CD55: variants seen among roughly 807,000 people sequenced by gnomAD.
CD55 encodes the protein CD55 molecule (Cromer blood group), also known as complement decay-accelerating factor.
Under a neutral mutation model 45.8 loss-of-function variants are expected in CD55, and 41 were observed. The ratio of observed to expected loss-of-function variants is 0.90; its 90% CI spans 0.70 to 1.16. CD55 has a LOEUF of 1.16. CD55 is among the 50% of genes most tolerant of loss of function. CD55 has a pLI of 0.00. For missense variants in CD55, 416 were observed against 469.8 expected (o/e 0.89, Z 1.06); for synonymous variants, 181 against 181.1 (o/e 1.00, Z 0.01).
intron 9 of CD55, among the ~76,000 whole-genome samples, chr1:207,351,670 T>C (rs1043395752): frequency 1.3e-5 from 2 of 152,200 alleles, no homozygotes; most frequent in Non-Finnish European, 2.9e-5. Context: ...TTGTTTTAAA[T>C]AGAAATAAAT....
rs1184219246 is a variant in CD55 at position 207,336,826 on chromosome 1, G to C, written c.979+8G>C. On this transcript the variant is annotated splice_region_variant and intron_variant, in intron 7 of 9. Coordinates refer to ENST00000367064, the MANE Select transcript of CD55 (RefSeq NM_000574.5). ...CCACACCAAATGCTCAAGGTACAGA[G>C]ACTCCATCAGTTCTTCAAAAACACA... The C allele has an allele frequency of 1.2e-6, 2 of 1,613,380 alleles. No homozygotes were observed.
chr1:207,353,853 T>A (rs1286805089), intron 9 of CD55, among the ~76,000 whole-genome samples: 1 of 152,188 alleles, frequency 6.6e-6, no homozygotes, highest in East Asian at 1.9e-4. Flanking sequence ...AAGCATACTG[T>A]TTTTCAAATC....
chr1:207,326,547 T>C (rs1259814578), intron 4 of CD55, among the ~76,000 whole-genome samples: 1 of 152,216 alleles, frequency 6.6e-6, no homozygotes, highest in Non-Finnish European at 1.5e-5. Context: ...AATGTACATG[T>C]CTTATCTGTT....
At position 207,359,600 on chromosome 1, in the gene CD55, T is replaced by C. The variant is rs1285210973; in HGVS notation, c.1136T>C (p.Leu379Ser). Residue 379 changes from leucine to serine, a missense_variant, in exon 10 of 10, where the codon TTG (leucine) becomes TCG (serine). Around this residue, in one of 3 missense-constraint regions of CD55, gnomAD observed 182 missense variants for 201.4 expected, o/e 0.90. Coordinates refer to ENST00000367064, the MANE Select transcript of CD55 (RefSeq NM_000574.5). ...CTTGGGACGCTAGTAACCATGGGCTTGCTGACTTAGCCAAAGAAGAGTTAA... is the reference window on the plus strand; with the variant it reads ...CTTGGGACGCTAGTAACCATGGGCTCGCTGACTTAGCCAAAGAAGAGTTAA... ...GLLGTLVTMG[L>S]LT The C allele has an allele frequency of 1.3e-6, 2 of 1,596,978 alleles. No individual in the cohort carries two copies. The highest frequency in any genetic ancestry group is 4.5e-5 in the East Asian group (2 of 44,182).
chr1:207,322,562 G>A lies in CD55; in HGVS notation c.281G>A (p.Cys94Tyr). The A allele has an allele frequency of 1.3e-6, 2 of 1,599,586 alleles. No individual in the cohort carries two copies. The highest frequency in any genetic ancestry group is 1.7e-6 in the Non-Finnish European group (2 of 1,174,880). The stretch of plus-strand genomic sequence containing the variant: ...CAATGGTCAGATATTGAAGAGTTCT[G>A]CAATCGTAAGTTCTTCATCTTTTTA... ...GSQWSDIEEF[C>Y]NRSCEVPTRL... The change falls in exon 2 of 10, where the codon TGC becomes TAC. Residue 94 changes from cysteine to tyrosine, a missense_variant. Cys to Tyr is a radical substitution (Grantham distance 194). Coordinates refer to ENST00000367064, the MANE Select transcript of CD55 (RefSeq NM_000574.5).
chr1:207,338,789 C>A (rs1375646406), intron 8 of CD55, among the ~76,000 whole-genome samples: 2 of 152,236 alleles, frequency 1.3e-5, no homozygotes, highest in African/African-American at 4.8e-5. Flanking sequence ...AGTTCATATC[C>A]AGTGCACAGT....
At chr1:207,336,629 G>T in intron 6 of CD55, 64 bp from the exon 7 acceptor site, 2 of 1,587,024 alleles carry the variant, frequency 1.3e-6, no homozygotes, top group Non-Finnish European at 1.7e-6. Context: ...GCAAGCAATG[G>T]CTAAGAATGT....
chr1:207,353,191 C>T (rs1357802957), intron 9 of CD55, among the ~76,000 whole-genome samples: 1 of 151,682 alleles, frequency 6.6e-6, no homozygotes, highest in Non-Finnish European at 1.5e-5. Context: ...TAGAAAGATG[C>T]TCATCCTAGT....
chr1:207,336,889 T>G, intron 7 of CD55, 71 bp downstream of exon 7: 1 of 1,561,396 alleles, frequency 6.4e-7, no homozygotes, highest in Non-Finnish European at 8.8e-7. Context: ...CCCCACCAAC[T>G]CCTCAGAAAC....
rs1210523462 is a variant in CD55, at chr1:207,360,525, T to C, written c.*915T>C. ...GTATCATGTAGTATGTGAAATTTAT[T>C]CTTAAACGTGACTACTTTATTTCTA... On this transcript the variant is annotated 3_prime_UTR_variant, in exon 10 of 10. Transcript: ENST00000367064. The C allele has an allele frequency of 2.0e-5, 3 of 152,160 alleles. No individual in the cohort carries two copies. The highest frequency in any genetic ancestry group is 6.5e-5 in the Admixed American group (1 of 15,278). The allele number at this position is 152,160 out of a possible 1,614,324, so 9.4% of individuals were successfully genotyped here.
At chr1:207,329,412 G>A (rs987782608) in intron 5 of CD55, among the ~76,000 whole-genome samples, 1 of 152,150 alleles carries the variant, frequency 6.6e-6, no homozygotes, top group African/African-American at 2.4e-5. Context: ...TTTACCCAGA[G>A]CGATCTGAAA....
intron 9 of CD55, among the ~76,000 whole-genome samples, chr1:207,341,924 T>C (rs529598688): frequency 3.9e-5 from 6 of 152,268 alleles, no homozygotes; most frequent in African/African-American, 1.4e-4. Flanking sequence ...CTTTTATCTA[T>C]GTTTTGTAGT....
At chr1:207,332,743 A>T (rs1336957687) in intron 6 of CD55, among the ~76,000 whole-genome samples, 1 of 152,218 alleles carries the variant, frequency 6.6e-6, no homozygotes, top group Admixed American at 6.5e-5. Flanking sequence ...TGATGCTTCC[A>T]TTAAAACGAC....
At chr1:207,350,772 A>C (rs1342904032) in intron 9 of CD55, among the ~76,000 whole-genome samples, 1 of 151,940 alleles carries the variant, frequency 6.6e-6, no homozygotes, top group Non-Finnish European at 1.5e-5. Context: ...GTTGTCTATC[A>C]ATCTTATTTA....
At chr1:207,355,213 A>G (rs1242843469) in intron 9 of CD55, among the ~76,000 whole-genome samples, 1 of 152,034 alleles carries the variant, frequency 6.6e-6, no homozygotes, top group Non-Finnish European at 1.5e-5. Flanking sequence ...GCTGATTTGG[A>G]GCCAAATACA....
rs989949640 is a variant in CD55, at chr1:207,359,728, A to G, written c.*118A>G. 1 of 1,354,084 alleles carries G rather than the reference A, an allele frequency of 7.4e-7. No homozygotes were observed. Among genetic ancestry groups the G allele is most frequent in the Admixed American group, 3.0e-5 (1 of 33,600 alleles). 83.9% of individuals were successfully genotyped at this position (1,354,084 alleles called of 1,614,324 possible). A position where few individuals can be genotyped will look rare whatever the true frequency, so the allele number is the denominator to read the frequency against. On this transcript the variant is annotated 3_prime_UTR_variant, in exon 10 of 10. Coordinates refer to ENST00000367064, the MANE Select transcript of CD55 (RefSeq NM_000574.5). ...TGTGCTCTTCATTTAGGATGCTTTC[A>G]TTGTCTTTAAGATGTGTTAGGAATG...
At chr1:207,342,909 C>T (rs899857237) in intron 9 of CD55, among the ~76,000 whole-genome samples, 2 of 152,064 alleles carry the variant, frequency 1.3e-5, no homozygotes, top group African/African-American at 4.8e-5. Context: ...TCTGTTTCTT[C>T]CTGACTCAGT....
At chr1:207,357,022 T>C (rs140104953) in intron 9 of CD55, among the ~76,000 whole-genome samples, 1 of 152,292 alleles carries the variant, frequency 6.6e-6, no homozygotes, top group East Asian at 1.9e-4. Context: ...AAATTGTCTG[T>C]TTTAATTCTT....
intron 3 of CD55, among the ~76,000 whole-genome samples, chr1:207,325,194 G>C (rs1394336200): frequency 6.6e-6 from 1 of 152,072 alleles, no homozygotes; most frequent in East Asian, 1.9e-4. Flanking sequence ...AACTAGCTGG[G>C]TGTGGTGGCG....
Sources: allele counts gnomAD v4.1 joint callset (sites outside exome capture counted in the v4.1 genomes callset), GRCh38; gene constraint gnomAD v4.1.1; regional missense constraint gnomAD v4.1.1; transcripts MANE v1.5; gene names NCBI Gene and HGNC (gene_info 2026-07-23, HGNC 2026-07-21).